ENDOV: variants seen among roughly 807,000 people sequenced by gnomAD.
ENDOV encodes endonuclease V, also known as hEndoV.
Under a neutral mutation model 39.4 loss-of-function variants are expected in ENDOV, and 37 were observed. The observed-to-expected ratio is 0.94, with a 90% CI of 0.72 to 1.23. The LOEUF (loss-of-function observed/expected upper bound fraction) is 1.23. ENDOV is among the 50% of genes most tolerant of loss of function. ENDOV has a pLI of 0.00. For missense variants in ENDOV, 441 were observed against 375.7 expected (o/e 1.17, Z -1.44); for synonymous variants, 186 against 163.4 (o/e 1.14, Z -1.05).
In ENDOV at chr17:80,415,182, C is replaced by G; in HGVS notation, c.-13C>G. 2 of 1,612,704 alleles carry G rather than the reference C, an allele frequency of 1.2e-6. No homozygotes were observed. The highest frequency in any genetic ancestry group is 2.2e-5 in the East Asian group (1 of 44,852). Reference sequence around the variant, plus strand: ...CGGAAGTGACGTGCGGAAGGGGTGCCCGGGACGAAGCCATGGCCCTGGAGG... The same window carrying G: ...CGGAAGTGACGTGCGGAAGGGGTGCGCGGGACGAAGCCATGGCCCTGGAGG... On this transcript the variant is annotated 5_prime_UTR_variant, in exon 1 of 10. Transcript: ENST00000518137.
Position 80,423,096 on chromosome 17 carries a change from C to T in ENDOV, c.404-424C>T, listed in dbSNP as rs568698288. 1.1e-4 allele frequency among the ~76,000 whole-genome samples: 16 copies of T among 152,326 alleles called. No individual in the cohort carries two copies. In the South Asian group the frequency reaches 3.1e-3, roughly 30 times the overall value. Reference sequence around the variant, plus strand: ...AGGGGTGACATTGGGCCTTCCTGGCCAGCAAGTGTGACTCGGCCCTGGCTG... The same window carrying T: ...AGGGGTGACATTGGGCCTTCCTGGCTAGCAAGTGTGACTCGGCCCTGGCTG... On this transcript the variant is annotated intron_variant, in intron 4 of 9. Coordinates refer to ENST00000518137, the MANE Select transcript of ENDOV (RefSeq NM_173627.5).
At chr17:80,419,209 C>G (rs1257735919) in intron 2 of ENDOV, among the ~76,000 whole-genome samples, 4 of 152,038 alleles carry the variant, frequency 2.6e-5, no homozygotes, top group Non-Finnish European at 4.4e-5. Flanking sequence ...GAGCCCTACC[C>G]CACTTACTGG....
chr17:80,420,709 A>G (rs931089319), intron 2 of ENDOV, among the ~76,000 whole-genome samples: 1 of 152,224 alleles, frequency 6.6e-6, no homozygotes, highest in Admixed American at 6.5e-5. Context: ...GACTAAGGAA[A>G]ACACAAGGTT....
At chr17:80,418,977 C>G (rs193208088) in intron 2 of ENDOV, 1 of 152,192 alleles carries the variant, frequency 6.6e-6, no homozygotes, top group African/African-American at 2.4e-5. Context: ...CGAGACCATC[C>G]TGGCTAACAC....
chr17:80,422,308 T>A, intron 4 of ENDOV, 63 bp downstream of exon 4: 1 of 1,580,628 alleles, frequency 6.3e-7, no homozygotes, highest in Non-Finnish European at 8.7e-7. Flanking sequence ...AGAGGGCACC[T>A]CTGTCGTCCC....
chr17:80,429,701 C>T, intron 8 of ENDOV, 72 bp from the exon 9 acceptor site: 1 of 1,449,702 alleles, frequency 6.9e-7, no homozygotes, highest in South Asian at 1.3e-5. Context: ...TCCCAGACCC[C>T]ATCTGGGGTG....
At chr17:80,428,135 G>T (rs1040466055) in intron 7 of ENDOV, among the ~76,000 whole-genome samples, 1 of 152,214 alleles carries the variant, frequency 6.6e-6, no homozygotes, top group Non-Finnish European at 1.5e-5. Flanking sequence ...CTGGAGACGG[G>T]ACAGGGGTTA....
rs569900337 is a variant in ENDOV, at chr17:80,431,620, A to G, written c.838+1789A>G. 2.6e-3 allele frequency among the ~76,000 whole-genome samples: 402 copies of G among 152,296 alleles called. 6 individuals are homozygous for G. Among genetic ancestry groups the G allele is most frequent in the African/African-American group, 9.1e-3 (379 of 41,556 alleles). ...AGAGGGAGCCCCAGTGCGGCCCCTC[A>G]GGCCCTCCATGCTTCAGGGTGTCAG... is the stretch of plus-strand genomic sequence containing the variant. On this transcript the variant is annotated intron_variant, in intron 9 of 9. Transcript: ENST00000518137.
intron 7 of ENDOV, among the ~76,000 whole-genome samples, chr17:80,426,752 G>T (rs1266559995): frequency 2.6e-5 from 4 of 152,274 alleles, no homozygotes; most frequent in African/African-American, 9.6e-5. Flanking sequence ...CTTGGGGTGC[G>T]CCAGGGTTTC....
intron 2 of ENDOV, chr17:80,419,907 T>C (rs2081762685): frequency 1.9e-6 from 1 of 529,882 alleles, no homozygotes. Context: ...CTGGCTTATG[T>C]TGAGATTGCT....
Position 80,435,381 on chromosome 17 carries a change from T to C in ENDOV, c.839-752T>C, listed in dbSNP as rs41302938. ...TTCTTACCTTTAAGTCTTTGATCCATTTTGACTTAAATTTGTGTATGGTGT... is the reference window on the plus strand; with the variant it reads ...TTCTTACCTTTAAGTCTTTGATCCACTTTGACTTAAATTTGTGTATGGTGT... On this transcript the variant is annotated intron_variant, in intron 9 of 9. Transcript: ENST00000518137. Among the ~76,000 whole-genome samples, 23 of 152,350 alleles carry C rather than the reference T, an allele frequency of 1.5e-4. No homozygotes were observed. In the East Asian group the frequency reaches 4.4e-3, roughly 29 times the overall value.
Position 80,436,579 on chromosome 17 carries a change from T to G in ENDOV, c.*436T>G, listed in dbSNP as rs1457059418. The G allele has an allele frequency of 1.4e-5, 4 of 287,524 alleles. No homozygotes were observed. The highest frequency in any genetic ancestry group is 2.6e-5 in the Non-Finnish European group (4 of 151,930). The allele number at this position is 287,524 out of a possible 1,614,324, so 17.8% of individuals were successfully genotyped here. On this transcript the variant is annotated 3_prime_UTR_variant, in exon 10 of 10. Transcript: ENST00000518137. ...GGTGTTACATTGATTGATTTTCATATGTTGAGCCAGTTTCCATTTGTGGAA... is the reference window on the plus strand; with the variant it reads ...GGTGTTACATTGATTGATTTTCATAGGTTGAGCCAGTTTCCATTTGTGGAA...
intron 4 of ENDOV, among the ~76,000 whole-genome samples, chr17:80,422,474 C>G (rs1275411638): frequency 6.6e-6 from 1 of 152,252 alleles, no homozygotes. Flanking sequence ...CTTTCCTGTC[C>G]GCCACTGCCT....
chr17:80,430,435 T>C, intron 9 of ENDOV: 1 of 1,385,036 alleles, frequency 7.2e-7, no homozygotes, highest in Non-Finnish European at 9.6e-7. Flanking sequence ...ACTTGCAAAA[T>C]CAGGGTTCAT....
chr17:80,415,451 C>T (rs2080964925), intron 1 of ENDOV, 199 bp from the exon 2 acceptor site: 2 of 988,346 alleles, frequency 2.0e-6, no homozygotes, highest in Non-Finnish European at 1.5e-6. Flanking sequence ...TCGCTTCCGG[C>T]CAGTTTGTCT....
chr17:80,429,902 G>C (rs778205788), intron 9 of ENDOV, 71 bp downstream of exon 9: 8 of 1,611,080 alleles, frequency 5.0e-6, no homozygotes, highest in Non-Finnish European at 5.9e-6. Flanking sequence ...CCCAGGAGCA[G>C]GCGGGCAAGG....
At chr17:80,433,090 T>A (rs1235288717) in intron 9 of ENDOV, 1 of 519,808 alleles carries the variant, frequency 1.9e-6, no homozygotes, top group Non-Finnish European at 3.8e-6. Context: ...TCCTGACTTC[T>A]AGAGCTTTCC....
intron 2 of ENDOV, chr17:80,416,199 T>G (rs2081135091): frequency 6.8e-6 from 1 of 146,520 alleles, no homozygotes. Context: ...ATCACGCCAT[T>G]GCACTCCAGC....
chr17:80,419,164 C>T (rs1026598152), intron 2 of ENDOV, among the ~76,000 whole-genome samples: 2 of 116,678 alleles, frequency 1.7e-5, no homozygotes. Context: ...CAGAGCAGGA[C>T]TCTGTCAAAA....
Sources: allele counts gnomAD v4.1 joint callset (sites outside exome capture counted in the v4.1 genomes callset), GRCh38; gene constraint gnomAD v4.1.1; transcripts MANE v1.5; gene names NCBI Gene and HGNC (gene_info 2026-07-23, HGNC 2026-07-21).